THSD7A: variants seen among roughly 807,000 people sequenced by gnomAD.
The protein encoded by THSD7A is thrombospondin type 1 domain containing 7A.
A neutral mutation model predicts 231.3 loss-of-function variants in THSD7A; 96 were observed. That is an observed-to-expected ratio of 0.41 (90% CI 0.35 to 0.49). The LOEUF (loss-of-function observed/expected upper bound fraction) is 0.49, where lower values mean the gene tolerates loss of function less well. THSD7A is among the 20% of genes least tolerant of loss of function. The pLI is 0.05. For synonymous variants in THSD7A, 940 were observed against 743.3 expected (o/e 1.26, Z -4.30); for missense variants, 2,290 against 2,070.2 (o/e 1.11, Z -2.06).
intron 1 of THSD7A, among the ~76,000 whole-genome samples, chr7:11,798,397 G>A (rs749971318): frequency 6.6e-5 from 10 of 151,866 alleles, no homozygotes; most frequent in Non-Finnish European, 1.2e-4. Context: ...CTTGAACATG[G>A]GGAGCGTAGG....
At chr7:11,504,734 G>C (rs1209736274) in intron 6 of THSD7A, among the ~76,000 whole-genome samples, 1 of 152,066 alleles carries the variant, frequency 6.6e-6, no homozygotes. Context: ...CAAAATTTGA[G>C]ATTCAACTCA....
intron 6 of THSD7A, among the ~76,000 whole-genome samples, chr7:11,521,321 A>T (rs1470481163): frequency 6.6e-6 from 1 of 152,064 alleles, no homozygotes; most frequent in Non-Finnish European, 1.5e-5. Context: ...AACTACATTC[A>T]TTTAGCTGTA....
intron 1 of THSD7A, among the ~76,000 whole-genome samples, chr7:11,785,757 T>C (rs1216678534): frequency 6.6e-6 from 1 of 152,148 alleles, no homozygotes; most frequent in Non-Finnish European, 1.5e-5. Context: ...ACATCTGCTT[T>C]TACAGTTACA....
Position 11,481,853 on chromosome 7 carries a change from G to A in THSD7A, c.1952C>T (p.Ser651Leu). Residue 651 changes from serine (S) to leucine (L), a missense_variant, in exon 7 of 28, where the codon TCA becomes TTA. Physicochemically the swap from Ser to Leu is moderately radical, Grantham distance 145 (BLOSUM62 -2). Coordinates refer to ENST00000423059, the MANE Select transcript of THSD7A (RefSeq NM_015204.3). ...CTGTTTCCCTTCTGTCGTTTTCCCT[G>A]AGCAGGTGTGTGAGCAGGAGGACCA... Reference protein sequence around the residue: ...STWSSCSHTCSGKTTEGKQIR... With the variant: ...STWSSCSHTCLGKTTEGKQIR... 1.9e-6 allele frequency: 3 copies of A among 1,613,708 alleles called. No individual in the cohort carries two copies. The highest frequency in any genetic ancestry group is 2.5e-6 in the Non-Finnish European group (3 of 1,179,706).
At chr7:11,627,075 T>A (rs1051024246) in intron 2 of THSD7A, among the ~76,000 whole-genome samples, 10 of 152,030 alleles carry the variant, frequency 6.6e-5, no homozygotes, top group Admixed American at 2.6e-4. Context: ...TAACAAACAT[T>A]TACTGGGAGC....
At chr7:11,412,370 A>T (rs888259842) in intron 18 of THSD7A, among the ~76,000 whole-genome samples, 2 of 152,152 alleles carry the variant, frequency 1.3e-5, no homozygotes, top group Non-Finnish European at 2.9e-5. Context: ...TTTTAGATTC[A>T]CCTTCCCGAA....
intron 1 of THSD7A, among the ~76,000 whole-genome samples, chr7:11,768,213 A>T (rs559242424): frequency 6.6e-6 from 1 of 152,240 alleles, no homozygotes; most frequent in East Asian, 1.9e-4. Flanking sequence ...TTCCTTCTAA[A>T]CTCATTTGCA....
chr7:11,632,990 C>T lies in THSD7A; in HGVS notation c.1022+3140G>A, dbSNP rs778860820. Among the ~76,000 whole-genome samples, 3 of 152,112 alleles carry T rather than the reference C, an allele frequency of 2.0e-5. No homozygotes were observed. Among genetic ancestry groups the T allele is most frequent in the Non-Finnish European group, 4.4e-5 (3 of 68,014 alleles). On this transcript the variant is annotated intron_variant, in intron 2 of 27. Transcript: ENST00000423059. This position sits in a 1 kb window ranked among gnomAD's most constrained non-coding sequence, Gnocchi z 4.1. ...TAAAAATTAGTTTATTTGATGTTCT[C>T]AAACTGTTCTCTATGTCATTGACTC... is the stretch of plus-strand genomic sequence containing the variant.
chr7:11,684,896 A>T (rs989111013), intron 1 of THSD7A, among the ~76,000 whole-genome samples: 4 of 151,996 alleles, frequency 2.6e-5, no homozygotes, highest in African/African-American at 9.7e-5. Context: ...TGAAACCATA[A>T]AAAAGCCAAA....
Position 11,474,603 on chromosome 7 carries a change from G to T in THSD7A, c.2018-35C>A. On this transcript the variant is annotated intron_variant, in intron 7 of 27. Transcript: ENST00000423059. This position sits in a 1 kb window ranked among gnomAD's most constrained non-coding sequence, Gnocchi z 4.1. Reference sequence around the variant, plus strand: ...TGGACAATGATAGCAAATTAGATACGGTGCCAACAGGAACCTTACCATACT... The same window carrying T: ...TGGACAATGATAGCAAATTAGATACTGTGCCAACAGGAACCTTACCATACT... 6.6e-7 allele frequency: 1 copy of T among 1,517,598 alleles called. No homozygotes were observed. The highest frequency in any genetic ancestry group is 9.0e-7 in the Non-Finnish European group (1 of 1,107,520). The allele number at this position is 1,517,598 out of a possible 1,614,324, so 94.0% of individuals were successfully genotyped here. A position where few individuals can be genotyped will look rare whatever the true frequency, so the allele number is the denominator to read the frequency against.
intron 1 of THSD7A, among the ~76,000 whole-genome samples, chr7:11,827,103 A>C (rs1785055353): frequency 6.6e-6 from 1 of 152,124 alleles, no homozygotes; most frequent in Non-Finnish European, 1.5e-5. Flanking sequence ...TCCTAGGTTC[A>C]AGCAATCCTT....
intron 2 of THSD7A, among the ~76,000 whole-genome samples, chr7:11,624,617 T>C (rs1781421715): frequency 6.6e-6 from 1 of 152,134 alleles, no homozygotes; most frequent in Non-Finnish European, 1.5e-5. Flanking sequence ...TTAATAAATA[T>C]AGGTACAGTC....
intron 6 of THSD7A, among the ~76,000 whole-genome samples, chr7:11,485,092 T>C (rs1786599640): frequency 1.3e-5 from 2 of 151,822 alleles, no homozygotes; most frequent in Non-Finnish European, 2.9e-5. Context: ...GGTTTCACCA[T>C]ACTGGCCAGG....
chr7:11,553,069 G>T (rs1014973078), intron 4 of THSD7A, among the ~76,000 whole-genome samples: 1 of 151,918 alleles, frequency 6.6e-6, no homozygotes, highest in East Asian at 1.9e-4. Context: ...AAATTTTCCT[G>T]GCACGAGACA....
chr7:11,707,184 T>C (rs1211313168), intron 1 of THSD7A, among the ~76,000 whole-genome samples: 3 of 150,878 alleles, frequency 2.0e-5, no homozygotes, highest in African/African-American at 7.3e-5. Flanking sequence ...AATTCTCTTC[T>C]TTAGCCATAA....
rs1783126774 is a variant in THSD7A at position 11,666,252 on chromosome 7, TG to T, written c.191-29292del. On this transcript the variant is annotated intron_variant, in intron 1 of 27. Transcript: ENST00000423059. The stretch of plus-strand genomic sequence containing the variant: ...TTTGCATATGTATAGTGAGATATCT[TG>T]GTGGTAGAACCCATGTCTAAACATG... Among the ~76,000 whole-genome samples the T allele has an allele frequency of 2.0e-5, 3 of 152,108 alleles. No homozygotes were observed. The South Asian group carries it at 6.2e-4, about 32-fold the overall frequency.
At chr7:11,778,254 A>G (rs1381765624) in intron 1 of THSD7A, among the ~76,000 whole-genome samples, 1 of 150,276 alleles carries the variant, frequency 6.7e-6, no homozygotes, top group African/African-American at 2.5e-5. Flanking sequence ...TGGAAGACAT[A>G]TTTCACTAAG....
intron 1 of THSD7A, among the ~76,000 whole-genome samples, chr7:11,828,441 C>G (rs750209508): frequency 1.3e-5 from 2 of 152,236 alleles, no homozygotes; most frequent in East Asian, 1.9e-4. Flanking sequence ...ATTATCTTTG[C>G]GACCCTTCAC....
chr7:11,379,318 G>A lies in THSD7A; in HGVS notation c.4591-38C>T, dbSNP rs1782414969. 5.0e-6 allele frequency: 8 copies of A among 1,597,844 alleles called. No individual in the cohort carries two copies. In the East Asian group the frequency reaches 1.8e-4, roughly 36 times the overall value. On this transcript the variant is annotated intron_variant, in intron 25 of 27. Coordinates refer to ENST00000423059, the MANE Select transcript of THSD7A (RefSeq NM_015204.3). ...AAGAAGATTTATACTAGCCATGCAA[G>A]GAATCTTTGGAAGTCTAACAGACCT... is the stretch of plus-strand genomic sequence containing the variant.
Sources: gnomAD v4.1 joint callset for allele counts (sites outside exome capture counted in the v4.1 genomes callset) on GRCh38, gnomAD v4.1.1 for gene constraint, Gnocchi (gnomAD v3.1) non-coding constraint, MANE v1.5 for transcripts, NCBI Gene and HGNC (gene_info 2026-07-23, HGNC 2026-07-21) for gene names.